APBA1: variants seen among roughly 807,000 people sequenced by gnomAD.
APBA1 encodes the protein amyloid-beta A4 precursor protein-binding family A member 1.
Under a neutral mutation model 86.6 loss-of-function variants are expected in APBA1, and 55 were observed. The ratio of observed to expected loss-of-function variants is 0.64; its 90% CI spans 0.51 to 0.80. The LOEUF is 0.80. APBA1 is among the 30% of genes least tolerant of loss of function. The probability of loss-of-function intolerance (pLI) is 0.00; values close to 1 mark genes in which losing one functional copy is unlikely to be tolerated. For missense variants in APBA1, 1,090 were observed against 1,183.0 expected (o/e 0.92, Z 1.15); for synonymous variants, 511 against 493.9 (o/e 1.03, Z -0.46).
intron 1 of APBA1, among the ~76,000 whole-genome samples, chr9:69,605,028 C>T (rs1035722396): frequency 9.8e-5 from 15 of 152,294 alleles, no homozygotes; most frequent in Middle Eastern, 3.4e-3. Context: ...CATGCCAATT[C>T]GGTTATGACT....
intron 1 of APBA1, among the ~76,000 whole-genome samples, chr9:69,581,642 G>A (rs531530941): frequency 3.3e-5 from 5 of 152,160 alleles, no homozygotes; most frequent in African/African-American, 4.8e-5. Flanking sequence ...AGTGAAGGAA[G>A]GAGTCTTCAG....
rs957268024 is a variant in APBA1, at chr9:69,427,726, G to A, written c.*3601C>T. ...AAGGAAGTACATTCAGTGGGTGTGC[G>A]GTGTCCACATTCCAGGCTCACGTGT... On this transcript the variant is annotated 3_prime_UTR_variant, in exon 13 of 13. Coordinates refer to ENST00000265381, the MANE Select transcript of APBA1 (RefSeq NM_001163.4). 2.2e-4 allele frequency: 34 copies of A among 152,008 alleles called. 1 individual carries two copies. Among genetic ancestry groups the A allele is most frequent in the Non-Finnish European group, 3.5e-4 (24 of 67,964 alleles). 9.4% of individuals were successfully genotyped at this position (152,008 alleles called of 1,614,324 possible).
intron 11 of APBA1, among the ~76,000 whole-genome samples, chr9:69,434,030 T>C (rs1834651436): frequency 6.6e-6 from 1 of 152,202 alleles, no homozygotes; most frequent in Non-Finnish European, 1.5e-5. Context: ...CAAGCTGGTC[T>C]CAAACTCCTG....
chr9:69,440,959 A>C (rs762957481), intron 11 of APBA1, 37 bp downstream of exon 11: 17 of 1,601,004 alleles, frequency 1.1e-5, no homozygotes, highest in Non-Finnish European at 1.0e-5. Flanking sequence ...TTATTTGTCA[A>C]CATTGTGGAA....
At chr9:69,514,702 G>A (rs111638185) in intron 2 of APBA1, among the ~76,000 whole-genome samples, 1 of 151,988 alleles carries the variant, frequency 6.6e-6, no homozygotes, top group Non-Finnish European at 1.5e-5. Flanking sequence ...TGTGGCCAGC[G>A]GTTCGAGACC....
intron 1 of APBA1, among the ~76,000 whole-genome samples, chr9:69,616,406 T>C (rs954464339): frequency 6.6e-6 from 1 of 152,200 alleles, no homozygotes; most frequent in Non-Finnish European, 1.5e-5. Context: ...GGTCATTTGA[T>C]TGATGCAATA....
intron 8 of APBA1, among the ~76,000 whole-genome samples, chr9:69,456,012 C>T (rs1303412216): frequency 1.3e-5 from 2 of 152,172 alleles, no homozygotes; most frequent in African/African-American, 2.4e-5. Context: ...GCACTCCCCA[C>T]TACCCAATTT....
Position 69,431,124 on chromosome 9 carries a change from G to GA in APBA1, c.*202dup, listed in dbSNP as rs1474887760. The GA allele has an allele frequency of 1.8e-5, 8 of 437,520 alleles. No homozygotes were observed. The highest frequency in any genetic ancestry group is 1.7e-4 in the African/African-American group (7 of 42,082). The allele number at this position is 437,520 out of a possible 1,614,324, so 27.1% of individuals were successfully genotyped here. On this transcript the variant is annotated 3_prime_UTR_variant, in exon 13 of 13. Coordinates refer to ENST00000265381, the MANE Select transcript of APBA1 (RefSeq NM_001163.4). Reference sequence around the variant, plus strand: ...TCTCCATCCTCAAGGGAGTGCATACGAAACTTCCCTGGTATTGAAAAAAAA... The same window carrying GA: ...TCTCCATCCTCAAGGGAGTGCATACGAAAACTTCCCTGGTATTGAAAAAAAA...
At chr9:69,605,479 T>G (rs564186539) in intron 1 of APBA1, among the ~76,000 whole-genome samples, 46 of 152,306 alleles carry the variant, frequency 3.0e-4, no homozygotes, top group South Asian at 1.2e-3. Context: ...CTTCCAAGAG[T>G]GGCCTCCCTA....
chr9:69,550,347 A>T (rs1332755535), intron 1 of APBA1, among the ~76,000 whole-genome samples: 1 of 152,048 alleles, frequency 6.6e-6, no homozygotes, highest in Non-Finnish European at 1.5e-5. Flanking sequence ...GCTCTCTGGA[A>T]TTTTTCTCAT....
At chr9:69,577,900 A>G (rs927622785) in intron 1 of APBA1, among the ~76,000 whole-genome samples, 1 of 151,968 alleles carries the variant, frequency 6.6e-6, no homozygotes, top group Non-Finnish European at 1.5e-5. Flanking sequence ...TCACCACCAC[A>G]ATGCTCCCAG....
intron 10 of APBA1, among the ~76,000 whole-genome samples, chr9:69,448,378 T>C (rs537691867): frequency 6.6e-6 from 1 of 152,378 alleles, no homozygotes; most frequent in Non-Finnish European, 1.5e-5. Context: ...ATGTTCAAAG[T>C]TGATTCTCTA....
At chr9:69,668,825 C>T (rs1016930773) in intron 1 of APBA1, among the ~76,000 whole-genome samples, 1 of 152,134 alleles carries the variant, frequency 6.6e-6, no homozygotes. Flanking sequence ...CCCAAGCATG[C>T]CCTTCCTTCT....
chr9:69,432,444 C>T, intron 12 of APBA1, 92 bp downstream of exon 12: 4 of 1,298,104 alleles, frequency 3.1e-6, no homozygotes, highest in Non-Finnish European at 4.0e-6. Context: ...GGGAGCTTTC[C>T]TGGAAGGTCT....
chr9:69,543,276 TCCCCCCC>T (rs5898083), intron 1 of APBA1, among the ~76,000 whole-genome samples: 57,565 of 145,572 alleles, frequency 0.4, 12,677 homozygotes, highest in Middle Eastern at 0.5. Context: ...TGCTGGGATT[TCCCCCCC>T]CCCCCCCCGG....
Position 69,456,436 on chromosome 9 carries a change from G to T in APBA1, c.1603-4C>A. On this transcript the variant is annotated splice_region_variant and splice_polypyrimidine_tract_variant and intron_variant, in intron 7 of 12. Coordinates refer to ENST00000265381, the MANE Select transcript of APBA1 (RefSeq NM_001163.4). ...GAGGGTGGTCCATCATTGTCTCCTG[G>T]AGGCAGGAAGAGAGGGCGGGTAAGT... 1 of 1,579,748 alleles carries T rather than the reference G, an allele frequency of 6.3e-7. No individual in the cohort carries two copies. The highest frequency in any genetic ancestry group is 8.6e-7 in the Non-Finnish European group (1 of 1,161,886).
intron 1 of APBA1, among the ~76,000 whole-genome samples, chr9:69,606,228 A>G (rs572922501): frequency 6.6e-6 from 1 of 152,326 alleles, no homozygotes; most frequent in African/African-American, 2.4e-5. Context: ...AACGAAACCC[A>G]ACTATGGCAA....
At chr9:69,472,296 C>CT (rs1367449776) in intron 3 of APBA1, among the ~76,000 whole-genome samples, 1 of 152,198 alleles carries the variant, frequency 6.6e-6, no homozygotes, top group African/African-American at 2.4e-5. Context: ...CACCTCAGAG[C>CT]AAAGGTCAGC....
chr9:69,580,192 T>A (rs1821887404), intron 1 of APBA1, among the ~76,000 whole-genome samples: 1 of 152,164 alleles, frequency 6.6e-6, no homozygotes, highest in Admixed American at 6.6e-5. Flanking sequence ...CGTTATTGAT[T>A]GGTTGCAGCT....
Sources: gnomAD v4.1 joint callset for allele counts (sites outside exome capture counted in the v4.1 genomes callset) on GRCh38, gnomAD v4.1.1 for gene constraint, MANE v1.5 for transcripts, NCBI Gene and HGNC (gene_info 2026-07-23, HGNC 2026-07-21) for gene names.